The following ALK variants were observed in gnomAD, a reference collection of about 807,000 sequenced individuals.
ALK encodes ALK receptor tyrosine kinase, also known as ALK tyrosine kinase receptor.
Under a neutral mutation model 163.1 loss-of-function variants are expected in ALK, and 74 were observed. That is an observed-to-expected ratio of 0.45 (90% CI 0.38 to 0.55). ALK has a LOEUF of 0.55. ALK is among the 20% of genes least tolerant of loss of function. The pLI, the probability that ALK is intolerant of heterozygous loss-of-function variation, is 0.00. For missense variants in ALK, 2,063 were observed against 2,105.3 expected (o/e 0.98, Z 0.39); for synonymous variants, 960 against 843.2 (o/e 1.14, Z -2.40).
chr2:29,252,757 A>G (rs58116773), intron 11 of ALK, among the ~76,000 whole-genome samples: 5,340 of 151,748 alleles, frequency 0.035, 317 homozygotes, highest in African/African-American at 0.12. Context: ...CAGGATGGTC[A>G]TTTCAGGGGC....
At position 29,306,275 on chromosome 2, in the gene ALK, C is replaced by T. The variant is rs181861984; in HGVS notation, c.1648-9218G>A. The stretch of plus-strand genomic sequence containing the variant: ...AGATGCAGAATTGAAGGCTTAGAGA[C>T]GTTAAGTCAGTCACCCCTGGGCACT... On this transcript the variant is annotated intron_variant, in intron 8 of 28. Coordinates refer to ENST00000389048, the MANE Select transcript of ALK (RefSeq NM_004304.5). Among the ~76,000 whole-genome samples, 267 of 152,288 alleles carry T rather than the reference C, an allele frequency of 1.8e-3. 3 individuals are homozygous for T. The highest frequency in any genetic ancestry group is 6.0e-3 in the African/African-American group (248 of 41,540).
chr2:29,222,196 T>C (rs539025920), intron 22 of ALK, 148 bp downstream of exon 22: 2 of 764,434 alleles, frequency 2.6e-6, no homozygotes, highest in African/African-American at 1.7e-5. Context: ...AAGAAGTGTC[T>C]AGAATGTTTG....
chr2:29,299,929 C>G (rs1453484285), intron 8 of ALK, among the ~76,000 whole-genome samples: 2 of 152,180 alleles, frequency 1.3e-5, no homozygotes, highest in Admixed American at 1.3e-4. Flanking sequence ...TTGATACTTA[C>G]CCCTGCAGTT....
At chr2:29,553,622 C>T (rs7605970) in intron 3 of ALK, among the ~76,000 whole-genome samples, 17,937 of 152,150 alleles carry the variant, frequency 0.12, 1,388 homozygotes, top group Non-Finnish European at 0.18. Flanking sequence ...CAATGCCTAG[C>T]GCATAGAAAA....
intron 5 of ALK, among the ~76,000 whole-genome samples, chr2:29,343,122 G>A (rs1442321776): frequency 6.6e-6 from 1 of 150,894 alleles, no homozygotes; most frequent in Non-Finnish European, 1.5e-5. Flanking sequence ...TCCTGACCTC[G>A]TGATCCACCC....
At chr2:29,908,028 AT>A (rs1182744520) in intron 1 of ALK, among the ~76,000 whole-genome samples, 1 of 152,054 alleles carries the variant, frequency 6.6e-6, no homozygotes, top group Non-Finnish European at 1.5e-5. Flanking sequence ...ATTTGGTGTA[AT>A]AGCTTCACGG....
intron 1 of ALK, among the ~76,000 whole-genome samples, chr2:29,880,971 A>G (rs1479703388): frequency 6.6e-6 from 1 of 152,204 alleles, no homozygotes; most frequent in Non-Finnish European, 1.5e-5. Context: ...CTGGCCCCGG[A>G]CAGAGAAAGG....
At chr2:29,520,729 G>A (rs1267471200) in intron 4 of ALK, among the ~76,000 whole-genome samples, 3 of 152,114 alleles carry the variant, frequency 2.0e-5, no homozygotes, top group Non-Finnish European at 4.4e-5. Flanking sequence ...GGCAACTGTG[G>A]GTAGTTTGAT....
At chr2:29,233,993 GT>G (rs769726076) in intron 13 of ALK, among the ~76,000 whole-genome samples, 7 of 150,354 alleles carry the variant, frequency 4.7e-5, no homozygotes, top group Admixed American at 2.0e-4. Flanking sequence ...AGGATAGGGA[GT>G]TTTTTTTTGT....
intron 11 of ALK, among the ~76,000 whole-genome samples, chr2:29,264,411 T>C (rs1034276075): frequency 3.3e-5 from 5 of 152,200 alleles, no homozygotes; most frequent in Admixed American, 1.3e-4. Context: ...TTCACACACA[T>C]GTGTGCTTGG....
intron 1 of ALK, among the ~76,000 whole-genome samples, chr2:29,771,829 C>T (rs1681037121): frequency 6.6e-6 from 1 of 151,634 alleles, no homozygotes; most frequent in African/African-American, 2.4e-5. Flanking sequence ...CCACTGCGCC[C>T]AGCCTGCACC....
Position 29,717,649 on chromosome 2 carries a change from TC to T in ALK, c.715del (p.Asp239IlefsTer10), listed in dbSNP as rs1273408272. 1 of 1,613,982 alleles carries T rather than the reference TC, an allele frequency of 6.2e-7. No individual in the cohort carries two copies. The highest frequency in any genetic ancestry group is 1.1e-5 in the South Asian group (1 of 91,066). ...SPTNMPSPSPDYFTWNLTWIM... is the reference protein window; with the variant it reads ...SPTNMPSPSPXYFTWNLTWIM... ...CCAGGTGAGATTCCATGTAAAATAA[TC>T]AGGAGAAGGAGAAGGCATGTTTGTT... is the stretch of plus-strand genomic sequence containing the variant. On this transcript the variant is annotated frameshift_variant, in exon 2 of 29. Coordinates refer to ENST00000389048, the MANE Select transcript of ALK (RefSeq NM_004304.5). LOFTEE classifies it high-confidence loss of function.
intron 1 of ALK, among the ~76,000 whole-genome samples, chr2:29,818,665 G>A (rs545701853): frequency 4.6e-4 from 70 of 152,362 alleles, no homozygotes; most frequent in African/African-American, 1.5e-3. Flanking sequence ...CTCCAGCAGC[G>A]CAGTAGCAGA....
At position 29,336,207 on chromosome 2, in the gene ALK, C is replaced by T. The variant is rs189267408; in HGVS notation, c.1283-7726G>A. Among the ~76,000 whole-genome samples the T allele has an allele frequency of 1.8e-3, 276 of 152,308 alleles. 3 individuals carry two copies. Among genetic ancestry groups the T allele is most frequent in the African/African-American group, 6.4e-3 (264 of 41,562 alleles). ...ACTATCTTCACTGTTGATCTCAAAT[C>T]CTGCCTCGAAGGTCCCTTCCTTCTC... is the stretch of plus-strand genomic sequence containing the variant. On this transcript the variant is annotated intron_variant, in intron 5 of 28. Transcript: ENST00000389048.
intron 5 of ALK, among the ~76,000 whole-genome samples, chr2:29,334,507 G>A (rs775890406): frequency 2.0e-5 from 3 of 152,178 alleles, no homozygotes; most frequent in Non-Finnish European, 2.9e-5. Context: ...CCAAGGAGTG[G>A]TAATGGTGGG....
intron 1 of ALK, among the ~76,000 whole-genome samples, chr2:29,886,560 G>A (rs766360138): frequency 6.6e-6 from 1 of 152,208 alleles, no homozygotes; most frequent in Non-Finnish European, 1.5e-5. Flanking sequence ...CTCCCACAAG[G>A]GAAGAGAAAG....
At chr2:29,269,560 C>T (rs1353710390) in intron 11 of ALK, among the ~76,000 whole-genome samples, 1 of 152,098 alleles carries the variant, frequency 6.6e-6, no homozygotes, top group African/African-American at 2.4e-5. Context: ...GGGAGGGCGC[C>T]GAACGTGCTG....
chr2:29,761,679 G>A (rs1680704154), intron 1 of ALK, among the ~76,000 whole-genome samples: 1 of 152,194 alleles, frequency 6.6e-6, no homozygotes, highest in Non-Finnish European at 1.5e-5. Flanking sequence ...ACCCATTAAA[G>A]AGGCTGCTGA....
intron 11 of ALK, among the ~76,000 whole-genome samples, chr2:29,261,860 C>G (rs755269774): frequency 3.3e-5 from 5 of 152,092 alleles, no homozygotes; most frequent in Non-Finnish European, 7.4e-5. Flanking sequence ...GTGGCCCTAC[C>G]CCTCTTCATG....
Sources: gnomAD v4.1 joint callset for allele counts (sites outside exome capture counted in the v4.1 genomes callset) on GRCh38, gnomAD v4.1.1 for gene constraint, MANE v1.5 for transcripts, NCBI Gene and HGNC (gene_info 2026-07-23, HGNC 2026-07-21) for gene names.